SLC24A2: variants seen among roughly 807,000 people sequenced by gnomAD.
SLC24A2 encodes the protein sodium/potassium/calcium exchanger 2.
Under a neutral mutation model 62.0 loss-of-function variants are expected in SLC24A2, and 36 were observed. That is an observed-to-expected ratio of 0.58 (90% CI 0.44 to 0.77). SLC24A2 has a LOEUF of 0.77. Among genes scored for constraint, SLC24A2 ranks in the 30% least tolerant of loss-of-function variants. SLC24A2 has a pLI of 0.00. For missense variants in SLC24A2, 846 were observed against 817.9 expected, an observed-to-expected ratio of 1.03 and a Z score of -0.42; for synonymous variants, 358 against 294.0, an observed-to-expected ratio of 1.22 and a Z score of -2.23.
chr9:20,169,044 A>G, the SLC24A2 span, among the ~76,000 whole-genome samples: 2 of 152,072 alleles, frequency 1.3e-5, no homozygotes, highest in African/African-American at 2.4e-5. Context: ...ATATTGATAC[A>G]TATTACAAAA....
the SLC24A2 span, among the ~76,000 whole-genome samples, chr9:20,267,733 G>A: frequency 2.6e-5 from 4 of 152,192 alleles, no homozygotes; most frequent in African/African-American, 4.8e-5. Context: ...TTTAGAGAAT[G>A]TTTGCCTCTC....
chr9:20,126,784 T>C, the SLC24A2 span, among the ~76,000 whole-genome samples: 1 of 152,242 alleles, frequency 6.6e-6, no homozygotes, highest in East Asian at 1.9e-4. Context: ...ATTATACCAG[T>C]CCTGAATTGT....
chr9:20,034,825 C>T, the SLC24A2 span, among the ~76,000 whole-genome samples: 2,115 of 152,144 alleles, frequency 0.014, 48 homozygotes, highest in African/African-American at 0.049. Context: ...AGCACTGATT[C>T]CACAATTGTT....
At chr9:19,598,504 T>G (rs574458029) in intron 4 of SLC24A2, among the ~76,000 whole-genome samples, 1 of 152,278 alleles carries the variant, frequency 6.6e-6, no homozygotes, top group South Asian at 2.1e-4. Flanking sequence ...CAAAATTATA[T>G]CTTGGGGAGA....
chr9:19,593,492 A>T (rs1836616395), intron 5 of SLC24A2, among the ~76,000 whole-genome samples: 1 of 152,128 alleles, frequency 6.6e-6, no homozygotes, highest in Non-Finnish European at 1.5e-5. Context: ...GGGCAAGGAG[A>T]AACTTTTCAA....
At chr9:19,830,888 A>C in the SLC24A2 span, among the ~76,000 whole-genome samples, 1 of 152,214 alleles carries the variant, frequency 6.6e-6, no homozygotes, top group African/African-American at 2.4e-5. Flanking sequence ...TATGTCTCAC[A>C]GTTCTGGGGG....
At chr9:19,963,065 A>G in the SLC24A2 span, among the ~76,000 whole-genome samples, 2 of 152,254 alleles carry the variant, frequency 1.3e-5, no homozygotes, top group South Asian at 2.1e-4. Context: ...ATAACGCCGC[A>G]TATCTACAAC....
chr9:19,563,519 G>A (rs1309516832), intron 7 of SLC24A2, among the ~76,000 whole-genome samples: 1 of 152,104 alleles, frequency 6.6e-6, no homozygotes, highest in African/African-American at 2.4e-5. Flanking sequence ...TATGAATTCA[G>A]GTACCGTATG....
the SLC24A2 span, among the ~76,000 whole-genome samples, chr9:19,819,500 G>A: frequency 6.6e-6 from 1 of 151,538 alleles, no homozygotes; most frequent in African/African-American, 2.4e-5. Flanking sequence ...CAATCAGTAA[G>A]ATCAAAATCA....
chr9:19,577,280 A>G (rs901162632), intron 5 of SLC24A2, among the ~76,000 whole-genome samples: 1 of 149,180 alleles, frequency 6.7e-6, no homozygotes, highest in Non-Finnish European at 1.5e-5. Context: ...AGCAACACTA[A>G]AGCTTCCCTA....
At chr9:20,030,223 G>A in the SLC24A2 span, among the ~76,000 whole-genome samples, 1 of 152,168 alleles carries the variant, frequency 6.6e-6, no homozygotes, top group Non-Finnish European at 1.5e-5. Context: ...CAGATGTGAA[G>A]ATACTTTTAA....
chr9:19,883,786 T>C, the SLC24A2 span, among the ~76,000 whole-genome samples: 10,834 of 152,134 alleles, frequency 0.071, 470 homozygotes, highest in Non-Finnish European at 0.087. Context: ...AGGATGGTCT[T>C]GATCTCCTGA....
the SLC24A2 span, among the ~76,000 whole-genome samples, chr9:19,903,536 G>A: frequency 6.6e-6 from 1 of 152,156 alleles, no homozygotes; most frequent in African/African-American, 2.4e-5. Flanking sequence ...TCAGGATATG[G>A]CAGAAAGGAA....
upstream of SLC24A2, among the ~76,000 whole-genome samples, chr9:19,791,357 G>C (rs965358340): frequency 6.6e-6 from 1 of 152,186 alleles, no homozygotes; most frequent in African/African-American, 2.4e-5. Context: ...CACTGATCAC[G>C]ACTTGGTCAC....
chr9:20,198,495 T>A, the SLC24A2 span, among the ~76,000 whole-genome samples: 1 of 152,130 alleles, frequency 6.6e-6, no homozygotes, highest in Admixed American at 6.5e-5. Flanking sequence ...CCTGACTTAC[T>A]CCGTGCAGTT....
intron 2 of SLC24A2, among the ~76,000 whole-genome samples, chr9:19,719,471 G>A (rs946258776): frequency 6.6e-6 from 1 of 150,776 alleles, no homozygotes; most frequent in African/African-American, 2.5e-5. Context: ...TTGCTTCCTA[G>A]ACTTTTGTTG....
the SLC24A2 span, among the ~76,000 whole-genome samples, chr9:20,043,055 G>A: frequency 6.6e-6 from 1 of 152,082 alleles, no homozygotes; most frequent in South Asian, 2.1e-4. Context: ...ATGGCCTGTA[G>A]GTGTTCAGGT....
the SLC24A2 span, among the ~76,000 whole-genome samples, chr9:20,057,521 G>A: frequency 6.6e-6 from 1 of 152,140 alleles, no homozygotes; most frequent in Non-Finnish European, 1.5e-5. Context: ...AACTCCACTT[G>A]CTTACATGGA....
chr9:20,135,409 A>G, the SLC24A2 span, among the ~76,000 whole-genome samples: 1 of 151,802 alleles, frequency 6.6e-6, no homozygotes, highest in Admixed American at 6.6e-5. Context: ...TTACCTCAGT[A>G]ATTAAAAGCC....
Sources: gnomAD v4.1 joint callset for allele counts (sites outside exome capture counted in the v4.1 genomes callset) on GRCh38, gnomAD v4.1.1 for gene constraint, MANE v1.5 for transcripts, NCBI Gene and HGNC (gene_info 2026-07-23, HGNC 2026-07-21) for gene names.